CPLANE1: variants seen among roughly 807,000 people sequenced by gnomAD.
CPLANE1 encodes the protein ciliogenesis and planar polarity effector complex subunit 1.
Under a neutral mutation model 362.5 loss-of-function variants are expected in CPLANE1, and 263 were observed. The ratio of observed to expected loss-of-function variants is 0.73; its 90% confidence interval spans 0.66 to 0.80. CPLANE1 has a LOEUF of 0.80. Among genes scored for constraint, CPLANE1 ranks in the 30% least tolerant of loss-of-function variants. The probability of loss-of-function intolerance (pLI) is 0.00; values close to 1 mark genes in which losing one functional copy is unlikely to be tolerated. For synonymous variants in CPLANE1, 1,212 were observed against 1,302.6 expected (o/e 0.93, Z 1.50); for missense variants, 3,461 against 3,793.4 (o/e 0.91, Z 2.30).
At chr5:37,193,394 C>T (rs1319874518) in intron 21 of CPLANE1, among the ~76,000 whole-genome samples, 1 of 152,126 alleles carries the variant, frequency 6.6e-6, no homozygotes, top group African/African-American at 2.4e-5. Context: ...GTAGCTCACA[C>T]CTGTAATCCC....
chr5:37,140,411 A>G (rs1390829889), intron 44 of CPLANE1: 1 of 984,922 alleles, frequency 1.0e-6, no homozygotes, highest in Non-Finnish European at 1.2e-6. Context: ...GAATCTGGGC[A>G]TTTGTGGGTT....
rs1171272217 is a variant in CPLANE1 at position 37,224,538 on chromosome 5, T to C, written c.2494A>G (p.Ile832Val). Reference protein sequence around the residue: ...CLNQTLELKSINGEECFLLGS... With the variant: ...CLNQTLELKSVNGEECFLLGS... ...ATATTCATAAGATACTGACCATTGA[T>C]AGATTTAAGTTCTAAGGTTTGATTC... is the stretch of plus-strand genomic sequence containing the variant. Residue 832 changes from isoleucine to valine, a missense_variant, in exon 13 of 53, where the codon ATC becomes GTC. Transcript: ENST00000651892. 3 of 1,545,422 alleles carry C rather than the reference T, an allele frequency of 1.9e-6. No homozygotes were observed. The South Asian group carries it at 3.6e-5, about 18-fold the overall frequency.
chr5:37,209,958 A>G lies in CPLANE1; in HGVS notation c.2921-3533T>C. The G allele has an allele frequency of 9.3e-7, 1 of 1,076,848 alleles. No homozygotes were observed. The highest frequency in any genetic ancestry group is 1.4e-6 in the Non-Finnish European group (1 of 692,492). 66.7% of individuals were successfully genotyped at this position (1,076,848 alleles called of 1,614,324 possible). A position where few individuals can be genotyped will look rare whatever the true frequency, so the allele number is the denominator to read the frequency against. On this transcript the variant is annotated intron_variant, in intron 16 of 52. Transcript: ENST00000651892. The surrounding 1 kb of genome is among the most constrained non-coding windows in gnomAD (Gnocchi z 4.6). ...TATCAAGTTTGAGTCTTTAGAAATA[A>G]AGCTAAATGAATATAAGAGAGAAAT...
intron 46 of CPLANE1, chr5:37,138,413 T>C (rs191702794): frequency 2.3e-6 from 1 of 437,420 alleles, no homozygotes; most frequent in African/African-American, 2.0e-5. Context: ...ATTTAAAATG[T>C]ATTCTAAGCG....
Position 37,227,716 on chromosome 5 carries a change from C to A in CPLANE1, c.1223G>T (p.Arg408Leu), listed in dbSNP as rs929327971. 6.4e-7 allele frequency: 1 copy of A among 1,551,382 alleles called. No homozygotes were observed. The highest frequency in any genetic ancestry group is 2.0e-5 in the Admixed American group (1 of 50,984). Reference sequence around the variant, plus strand: ...ATCAGATATAACGAGGTAGGGTAACCGTGAGTGTGCTTTTATAGAAAATCT... The same window carrying A: ...ATCAGATATAACGAGGTAGGGTAACAGTGAGTGTGCTTTTATAGAAAATCT... Reference protein sequence around the residue: ...RQRFSIKAHSRLPYLVISDGY... With the variant: ...RQRFSIKAHSLLPYLVISDGY... The change falls in exon 10 of 53, where the codon CGG (arginine) becomes CTG (leucine). Residue 408 changes from arginine to leucine, a missense_variant. By Grantham distance (102) the Arg-to-Leu change is moderately radical. Coordinates refer to ENST00000651892, the MANE Select transcript of CPLANE1 (RefSeq NM_001384732.1).
At chr5:37,083,395 C>T in the CPLANE1 span, among the ~76,000 whole-genome samples, 1 of 152,172 alleles carries the variant, frequency 6.6e-6, no homozygotes, top group Non-Finnish European at 1.5e-5. Flanking sequence ...GAAAATCACA[C>T]TAGCTCACCA....
At chr5:37,177,755 T>C (rs1580450203) in intron 29 of CPLANE1, 55 bp from the exon 30 acceptor site, 1 of 1,340,352 alleles carries the variant, frequency 7.5e-7, no homozygotes, top group Non-Finnish European at 1.1e-6. Context: ...TAGGTATTAC[T>C]GTCTTGAGTA....
intron 46 of CPLANE1, among the ~76,000 whole-genome samples, chr5:37,127,906 G>A (rs765580292): frequency 1.3e-5 from 2 of 151,898 alleles, no homozygotes; most frequent in Non-Finnish European, 2.9e-5. Context: ...TGGGTGCAGT[G>A]GCACACATCT....
chr5:37,218,688 T>C (rs780951542), intron 15 of CPLANE1, among the ~76,000 whole-genome samples: 4 of 151,940 alleles, frequency 2.6e-5, no homozygotes, highest in Admixed American at 1.3e-4. Context: ...TGGCTCACGC[T>C]TGTAATCCCA....
intron 12 of CPLANE1, among the ~76,000 whole-genome samples, 149 bp downstream of exon 12, chr5:37,226,151 TAATA>T (rs1196296048): frequency 2.0e-5 from 3 of 152,182 alleles, no homozygotes; most frequent in African/African-American, 7.2e-5. Context: ...GAATTAGTGC[TAATA>T]GTTTCACAAC....
Position 37,142,366 on chromosome 5 carries a change from G to A in CPLANE1, c.8576C>T (p.Thr2859Ile). The A allele has an allele frequency of 1.9e-6, 3 of 1,611,284 alleles. No homozygotes were observed. The part of the protein sequence containing the change: ...YSGQKTCVFP[T>I]ADSAVSLSSS... The stretch of plus-strand genomic sequence containing the variant: ...GGAAAGGCTGACAGCTGAATCGGCA[G>A]TAGGAAACACACAGGTTTTCTGACC... The change falls in exon 44 of 53, where the codon ACT (threonine) becomes ATT (isoleucine). Residue 2859 changes from threonine (T) to isoleucine (I), a missense_variant. Transcript: ENST00000651892.
In CPLANE1 at chr5:37,169,185, G is replaced by A. The variant is rs1431327344; in HGVS notation, c.6839C>T (p.Pro2280Leu). 5 of 1,614,150 alleles carry A rather than the reference G, an allele frequency of 3.1e-6. No homozygotes were observed. The South Asian group carries it at 3.3e-5, about 11-fold the overall frequency. The change falls in exon 34 of 53, where the codon CCA (proline) becomes CTA (leucine). Residue 2280 changes from proline to leucine, a missense_variant. Coordinates refer to ENST00000651892, the MANE Select transcript of CPLANE1 (RefSeq NM_001384732.1). ...ALPQRAAQTT[P>L]ASHLNVSQYN... ...CTGGCTTACATTCAAATGGGATGCT[G>A]GAGTAGTTTGTGCTGCTCTCTGTGG...
At chr5:37,176,775 T>C (rs1781269682) in intron 30 of CPLANE1, among the ~76,000 whole-genome samples, 1 of 151,716 alleles carries the variant, frequency 6.6e-6, no homozygotes, top group Non-Finnish European at 1.5e-5. Context: ...TTTTTTTTTT[T>C]TGAGATGGAG....
intron 51 of CPLANE1, 138 bp downstream of exon 51, chr5:37,114,822 C>G: frequency 1.7e-6 from 1 of 576,156 alleles, no homozygotes; most frequent in Admixed American, 3.1e-5. Context: ...ATCACTTGAA[C>G]CCGGGAGTGG....
In CPLANE1 at chr5:37,177,621, C is replaced by G. The variant is rs138049045; in HGVS notation, c.5900G>C (p.Gly1967Ala). 79 of 1,611,522 alleles carry G rather than the reference C, an allele frequency of 4.9e-5. 1 individual carries two copies. The highest frequency in any genetic ancestry group is 4.6e-4 in the South Asian group (42 of 90,940). The change falls in exon 30 of 53, where the codon GGT becomes GCT. Residue 1967 changes from glycine to alanine, a missense_variant and splice_region_variant. Gly to Ala is a moderately conservative substitution (Grantham distance 60). This residue lies in a region of CPLANE1 where 3,380 missense variants were observed against 3,666.1 expected (regional missense o/e 0.92). Coordinates refer to ENST00000651892, the MANE Select transcript of CPLANE1 (RefSeq NM_001384732.1). ...ACTGTCATACTTTTTTCCCCCTTAC[C>G]CTTTTTGTTCAGTCGATTTTTCCTC... ...IMEEKSTEQK[G>A]MIEAFSHPGH...
chr5:37,076,874 A>AAAAC, the CPLANE1 span, among the ~76,000 whole-genome samples: 2 of 149,406 alleles, frequency 1.3e-5, no homozygotes, highest in African/African-American at 2.5e-5. Flanking sequence ...AGATGATACT[A>AAAAC]AAACATTTAC....
rs746316694 is a variant in CPLANE1, at chr5:37,148,270, T to C, written c.8374-2A>G. On this transcript the variant is annotated splice_acceptor_variant, in intron 42 of 52. Transcript: ENST00000651892. LOFTEE classifies it high-confidence loss of function. The stretch of plus-strand genomic sequence containing the variant: ...TTCAATGTGATCCACTGGTCCAATC[T>C]GTAGAAAAAACACACACAACAAAAC... 2 of 1,596,938 alleles carry C rather than the reference T, an allele frequency of 1.3e-6. No homozygotes were observed. Among genetic ancestry groups the C allele is most frequent in the South Asian group, 2.3e-5 (2 of 88,404 alleles).
intron 16 of CPLANE1, among the ~76,000 whole-genome samples, chr5:37,207,545 T>C (rs1014246360): frequency 3.3e-5 from 5 of 152,190 alleles, no homozygotes; most frequent in Non-Finnish European, 7.3e-5. Flanking sequence ...TCACACCAAA[T>C]AAGCAACTCA....
rs193171905 is a variant in CPLANE1 at position 37,214,256 on chromosome 5, G to A, written c.2747-524C>T. Among the ~76,000 whole-genome samples the A allele has an allele frequency of 1.4e-4, 22 of 152,314 alleles. No homozygotes were observed. In the East Asian group the frequency reaches 4.1e-3, roughly 28 times the overall value. ...AAGGTGGGCTGATCTCTTGAGCTCA[G>A]GAGTTTGAGACCAGCCTGGGCAACA... On this transcript the variant is annotated intron_variant, in intron 15 of 52. Transcript: ENST00000651892.
Sources: allele counts gnomAD v4.1 joint callset (sites outside exome capture counted in the v4.1 genomes callset), GRCh38; gene constraint gnomAD v4.1.1; regional missense constraint gnomAD v4.1.1; non-coding constraint Gnocchi (gnomAD v3.1); transcripts MANE v1.5; gene names NCBI Gene and HGNC (gene_info 2026-07-23, HGNC 2026-07-21).